CST8: variants seen among roughly 807,000 people sequenced by gnomAD.
The protein encoded by CST8 is cystatin 8, also known as cystatin-8.
CST8 carries 20 observed loss-of-function variants against 11.8 expected under a neutral mutation model. The ratio of observed to expected loss-of-function variants is 1.70; its 90% CI spans 1.20 to 2.47. CST8 has a LOEUF of 2.47. Ranked by LOEUF, CST8 falls within the 30% of genes most tolerant of loss-of-function variation. CST8 has a pLI of 0.00. For missense variants in CST8, 196 were observed against 167.2 expected, an observed-to-expected ratio of 1.17 and a Z score of -0.95; for synonymous variants, 77 against 63.1, an observed-to-expected ratio of 1.22 and a Z score of -1.05.
the CST8 span, among the ~76,000 whole-genome samples, chr20:23,503,679 C>T: frequency 2.0e-5 from 3 of 152,166 alleles, no homozygotes; most frequent in Admixed American, 6.5e-5. Flanking sequence ...TCATTATTTT[C>T]CTAGGTACGT....
At chr20:23,500,309 G>A (rs980521744), downstream of CST8, among the ~76,000 whole-genome samples, 1 of 152,214 alleles carries the variant, frequency 6.6e-6, no homozygotes, top group South Asian at 2.1e-4. Flanking sequence ...GGCTGCCTGC[G>A]GACCACAGGG....
chr20:23,492,944 T>C lies in CST8; in HGVS notation c.232-14T>C. The C allele has an allele frequency of 1.4e-6, 2 of 1,441,926 alleles. No individual in the cohort carries two copies. The highest frequency in any genetic ancestry group is 2.0e-6 in the Non-Finnish European group (2 of 1,023,918). The allele number at this position is 1,441,926 out of a possible 1,614,324, so 89.3% of individuals were successfully genotyped here. ...AACTCTTTTGAATAAAATTGCATAA[T>C]TGCTAACCAACAGGTCACAAATCTT... On this transcript the variant is annotated splice_polypyrimidine_tract_variant and intron_variant, in intron 2 of 3. Coordinates refer to ENST00000246012, the MANE Select transcript of CST8 (RefSeq NM_005492.4).
chr20:23,500,456 G>C (rs1988156597), downstream of CST8, among the ~76,000 whole-genome samples: 1 of 152,136 alleles, frequency 6.6e-6, no homozygotes, highest in South Asian at 2.1e-4. Context: ...AATCCCATCT[G>C]CTCACACATG....
At chr20:23,493,533 G>C (rs1485492305) in intron 3 of CST8, among the ~76,000 whole-genome samples, 2 of 152,294 alleles carry the variant, frequency 1.3e-5, no homozygotes, top group South Asian at 2.1e-4. Context: ...TATTCTGGGT[G>C]CTGGAGATTA....
chr20:23,503,998 G>A, the CST8 span, among the ~76,000 whole-genome samples: 1 of 152,232 alleles, frequency 6.6e-6, no homozygotes, highest in Non-Finnish European at 1.5e-5. Flanking sequence ...TGCAGGAAGA[G>A]GGGAATTGGA....
At chr20:23,503,756 G>T in the CST8 span, among the ~76,000 whole-genome samples, 1 of 152,238 alleles carries the variant, frequency 6.6e-6, no homozygotes, top group African/African-American at 2.4e-5. Context: ...GTACAGGAGA[G>T]ACAGAGATGT....
the CST8 span, among the ~76,000 whole-genome samples, chr20:23,506,051 A>C: frequency 5.3e-5 from 8 of 151,770 alleles, no homozygotes; most frequent in South Asian, 2.1e-4. Flanking sequence ...ATAGCTTCCA[A>C]ATGGTTTTTA....
At chr20:23,494,445 C>A (rs1041381801) in intron 3 of CST8, among the ~76,000 whole-genome samples, 2 of 152,110 alleles carry the variant, frequency 1.3e-5, no homozygotes, top group Non-Finnish European at 2.9e-5. Context: ...TTTGGTTTCC[C>A]AAATTTGATG....
At chr20:23,496,569 C>T (rs1988052925), downstream of CST8, among the ~76,000 whole-genome samples, 1 of 152,176 alleles carries the variant, frequency 6.6e-6, no homozygotes, top group African/African-American at 2.4e-5. Context: ...AAGTTTCAGG[C>T]ACGCATTGTC....
intron 3 of CST8, among the ~76,000 whole-genome samples, chr20:23,495,314 C>T (rs545961785): frequency 1.3e-5 from 2 of 152,128 alleles, no homozygotes; most frequent in African/African-American, 4.8e-5. Flanking sequence ...ATTTATATTC[C>T]TTTGGGTGGG....
the CST8 span, among the ~76,000 whole-genome samples, chr20:23,504,592 T>C: frequency 6.6e-6 from 1 of 152,216 alleles, no homozygotes; most frequent in Non-Finnish European, 1.5e-5. Flanking sequence ...TATTTATAGA[T>C]ATAAATGTTT....
chr20:23,501,209 C>T, the CST8 span, among the ~76,000 whole-genome samples: 1 of 152,236 alleles, frequency 6.6e-6, no homozygotes, highest in Non-Finnish European at 1.5e-5. Flanking sequence ...CCCTCATGCC[C>T]AATAACTACG....
rs1393668227 is a variant in CST8, at chr20:23,491,666, C to T, written c.-2C>T. 1 of 1,612,822 alleles carries T rather than the reference C, an allele frequency of 6.2e-7. No individual in the cohort carries two copies. The highest frequency in any genetic ancestry group is 1.7e-5 in the Admixed American group (1 of 60,002). ...TCGACTTTGCCTCTTGCCCAAGGGA[C>T]CATGCCCAGGTGCCGGTGGCTCTCC... On this transcript the variant is annotated 5_prime_UTR_variant, in exon 2 of 4. Coordinates refer to ENST00000246012, the MANE Select transcript of CST8 (RefSeq NM_005492.4).
the CST8 span, among the ~76,000 whole-genome samples, chr20:23,504,435 A>G: frequency 2.0e-5 from 3 of 152,128 alleles, no homozygotes; most frequent in East Asian, 3.9e-4. Flanking sequence ...CCCCAAGGCA[A>G]TGTGGAAGTG....
intron 3 of CST8, among the ~76,000 whole-genome samples, chr20:23,494,353 A>G (rs1476798198): frequency 6.6e-6 from 1 of 152,188 alleles, no homozygotes; most frequent in African/African-American, 2.4e-5. Flanking sequence ...GATTTCCATG[A>G]TACGTCTCAG....
intron 3 of CST8, among the ~76,000 whole-genome samples, chr20:23,493,670 C>A (rs1764195708): frequency 6.6e-6 from 1 of 152,142 alleles, no homozygotes; most frequent in African/African-American, 2.4e-5. Flanking sequence ...AGGACTTGGC[C>A]CAGGGGCTTT....
chr20:23,492,786 T>A (rs557526912), intron 2 of CST8, among the ~76,000 whole-genome samples, 172 bp from the exon 3 acceptor site: 1 of 152,220 alleles, frequency 6.6e-6, no homozygotes, highest in South Asian at 2.1e-4. Flanking sequence ...CTGATCTTGT[T>A]GTACACAGGG....
At chr20:23,498,638 T>G (rs1320984656), downstream of CST8, among the ~76,000 whole-genome samples, 1 of 152,250 alleles carries the variant, frequency 6.6e-6, no homozygotes, top group African/African-American at 2.4e-5. Context: ...AGCCCCTGCC[T>G]GTGGTCTCTG....
downstream of CST8, among the ~76,000 whole-genome samples, chr20:23,499,407 C>G (rs1465266922): frequency 1.3e-5 from 2 of 152,166 alleles, no homozygotes; most frequent in Non-Finnish European, 2.9e-5. Flanking sequence ...TAAGATATTA[C>G]AGGAGAACAC....
Sources: allele counts gnomAD v4.1 joint callset (sites outside exome capture counted in the v4.1 genomes callset), GRCh38; gene constraint gnomAD v4.1.1; transcripts MANE v1.5; gene names NCBI Gene and HGNC (gene_info 2026-07-23, HGNC 2026-07-21).